The following SHOC2 variants were observed in gnomAD, a reference collection of about 807,000 sequenced individuals.
SHOC2 encodes the protein SHOC2 leucine rich repeat scaffold protein.
Under a neutral mutation model 50.2 loss-of-function variants are expected in SHOC2, and 4 were observed. The ratio of observed to expected loss-of-function variants is 0.08; its 90% CI spans 0.04 to 0.18. SHOC2 has a LOEUF of 0.18. SHOC2 is among the 10% of genes least tolerant of loss of function. The pLI is 1.00. For synonymous variants in SHOC2, 218 were observed against 244.5 expected, an observed-to-expected ratio of 0.89 and a Z score of 1.01; for missense variants, 388 against 669.6, an observed-to-expected ratio of 0.58 and a Z score of 4.64.
At chr10:110,981,875 T>TTTTTTATTATACTC (rs1847984606) in intron 2 of SHOC2, among the ~76,000 whole-genome samples, 3 of 11,140 alleles carry the variant, frequency 2.7e-4, no homozygotes, top group East Asian at 4.5e-3. Flanking sequence ...TATTTATTTT[T>TTTTTTATTATACTC]TTAAGTTTTA....
chr10:111,003,543 A>G (rs1848417494), intron 4 of SHOC2, among the ~76,000 whole-genome samples: 1 of 152,198 alleles, frequency 6.6e-6, no homozygotes, highest in Non-Finnish European at 1.5e-5. Flanking sequence ...ACTATGGCCC[A>G]TAAAATATTA....
At chr10:110,962,904 T>C (rs948715597) in intron 1 of SHOC2, among the ~76,000 whole-genome samples, 20 of 152,228 alleles carry the variant, frequency 1.3e-4, no homozygotes, top group Non-Finnish European at 2.8e-4. Flanking sequence ...AATAATATGC[T>C]GTCTTATCAA....
rs1847458564 is a variant in SHOC2, at chr10:110,956,194, T to C, written c.-234-7931T>C. ...AACAGGTTTTTTACATTTCATGTCTTTTTTTTTTTGAGACGGAGTTTCGCT... is the reference window on the plus strand; with the variant it reads ...AACAGGTTTTTTACATTTCATGTCTCTTTTTTTTTGAGACGGAGTTTCGCT... On this transcript the variant is annotated intron_variant, in intron 1 of 8. Coordinates refer to ENST00000369452, the MANE Select transcript of SHOC2 (RefSeq NM_007373.4). 2.3e-5 allele frequency among the ~76,000 whole-genome samples: 3 copies of C among 130,282 alleles called. No homozygotes were observed. The Admixed American group carries it at 2.9e-4, about 13-fold the overall frequency. 85.5% of individuals were successfully genotyped at this position (130,282 alleles called of 152,430 possible). A position where few individuals can be genotyped will look rare whatever the true frequency, so the allele number is the denominator to read the frequency against.
chr10:110,941,672 C>T (rs1157712688), intron 1 of SHOC2, among the ~76,000 whole-genome samples: 4 of 152,016 alleles, frequency 2.6e-5, no homozygotes, highest in Middle Eastern at 3.2e-3. Context: ...AGACTTTTGT[C>T]GAATACATGG....
chr10:110,979,911 G>T (rs1363325029), intron 2 of SHOC2, among the ~76,000 whole-genome samples: 1 of 151,990 alleles, frequency 6.6e-6, no homozygotes, highest in Non-Finnish European at 1.5e-5. Flanking sequence ...TCTAGTCAAG[G>T]TGTAGCCTAC....
At chr10:110,990,573 A>G (rs1848165003) in intron 3 of SHOC2, among the ~76,000 whole-genome samples, 1 of 152,212 alleles carries the variant, frequency 6.6e-6, no homozygotes, top group East Asian at 1.9e-4. Context: ...AAACGCACCA[A>G]TCAGCGCCCT....
chr10:110,936,752 TTCC>T, intron 1 of SHOC2: 1 of 974,416 alleles, frequency 1.0e-6, no homozygotes, highest in Non-Finnish European at 1.6e-6. Flanking sequence ...GGCTTTCTCT[TTCC>T]TCTTCTCCTC....
intron 3 of SHOC2, among the ~76,000 whole-genome samples, chr10:110,990,158 C>T (rs950631509): frequency 1.3e-4 from 20 of 152,254 alleles, no homozygotes; most frequent in South Asian, 4.1e-4. Context: ...GCGCATGGCG[C>T]GGGACTGGCA....
At chr10:111,000,634 A>T in intron 4 of SHOC2, 89 bp downstream of exon 4, 1 of 1,191,244 alleles carries the variant, frequency 8.4e-7, no homozygotes, top group Non-Finnish European at 1.2e-6. Flanking sequence ...CAGGGTAAAT[A>T]ATTTGGTGAT....
At chr10:110,936,810 C>G (rs779149731) in intron 1 of SHOC2, 2 of 1,173,344 alleles carry the variant, frequency 1.7e-6, no homozygotes, top group Non-Finnish European at 2.5e-6. Context: ...ACCTCGTGAG[C>G]CAGGTGCCCC....
At chr10:110,926,046 T>A (rs2134070067) in intron 1 of SHOC2, among the ~76,000 whole-genome samples, 1 of 152,338 alleles carries the variant, frequency 6.6e-6, no homozygotes, top group South Asian at 2.1e-4. Context: ...CATGCACTCT[T>A]CATGTAGCTA....
At chr10:110,989,644 G>A (rs1848144742) in intron 3 of SHOC2, among the ~76,000 whole-genome samples, 1 of 152,118 alleles carries the variant, frequency 6.6e-6, no homozygotes. Context: ...CCCATGATAA[G>A]TGACTTAGTC....
chr10:110,998,834 G>A (rs1437493726), intron 3 of SHOC2, among the ~76,000 whole-genome samples: 1 of 152,150 alleles, frequency 6.6e-6, no homozygotes, highest in African/African-American at 2.4e-5. Flanking sequence ...TCACTCACTT[G>A]ATACTTTCAG....
At position 111,009,788 on chromosome 10, in the gene SHOC2, G is replaced by A; in HGVS notation, c.1498G>A (p.Gly500Ser). The A allele has an allele frequency of 1.2e-6, 2 of 1,612,770 alleles. No individual in the cohort carries two copies. The highest frequency in any genetic ancestry group is 1.7e-6 in the Non-Finnish European group (2 of 1,178,994). Reference protein sequence around the residue: ...IGHLTNLTHLGLGENLLTHLP... With the variant: ...IGHLTNLTHLSLGENLLTHLP... The stretch of plus-strand genomic sequence containing the variant: ...TCACCTTACTAATCTCACACATCTG[G>A]GCCTTGGAGAGAACCTACTTACTCA... Residue 500 changes from glycine (G) to serine (S), a missense_variant, in exon 8 of 9, where the codon GGC becomes AGC. Gly to Ser is a moderately conservative substitution (Grantham distance 56). Transcript: ENST00000369452.
intron 1 of SHOC2, chr10:110,937,081 C>T (rs1274741915): frequency 6.8e-7 from 1 of 1,477,438 alleles, no homozygotes; most frequent in Non-Finnish European, 9.5e-7. Context: ...AGTACTTCAA[C>T]TTGTTTCTGT....
rs747506750 is a variant in SHOC2 at position 111,013,426 on chromosome 10, A to G, written c.*1608A>G. On this transcript the variant is annotated 3_prime_UTR_variant, in exon 9 of 9. Coordinates refer to ENST00000369452, the MANE Select transcript of SHOC2 (RefSeq NM_007373.4). The stretch of plus-strand genomic sequence containing the variant: ...TCTGCTTTTCCTGGCACTCAAATTC[A>G]TGACTAGTTTTGAGGTCAAACCTAT... 1 of 152,020 alleles carries G rather than the reference A, an allele frequency of 6.6e-6. No homozygotes were observed. The highest frequency in any genetic ancestry group is 2.4e-5 in the African/African-American group (1 of 41,406). 9.4% of individuals were successfully genotyped at this position (152,020 alleles called of 1,614,324 possible). A position where few individuals can be genotyped will look rare whatever the true frequency, so the allele number is the denominator to read the frequency against.
intron 2 of SHOC2, among the ~76,000 whole-genome samples, chr10:110,982,984 T>A (rs1439314408): frequency 6.6e-6 from 1 of 152,148 alleles, no homozygotes; most frequent in Non-Finnish European, 1.5e-5. Context: ...AAAAACTTCT[T>A]AGTTACAAAT....
At chr10:110,941,961 A>G (rs1726346813) in intron 1 of SHOC2, among the ~76,000 whole-genome samples, 1 of 152,164 alleles carries the variant, frequency 6.6e-6, no homozygotes, top group South Asian at 2.1e-4. Flanking sequence ...ATACACTGTG[A>G]AATTTAGATT....
At chr10:110,996,194 A>G (rs1263237148) in intron 3 of SHOC2, among the ~76,000 whole-genome samples, 1 of 152,188 alleles carries the variant, frequency 6.6e-6, no homozygotes, top group Non-Finnish European at 1.5e-5. Flanking sequence ...CTAGCAAAGA[A>G]TGTTTACATT....
Sources: gnomAD v4.1 joint callset for allele counts (sites outside exome capture counted in the v4.1 genomes callset) on GRCh38, gnomAD v4.1.1 for gene constraint, MANE v1.5 for transcripts, NCBI Gene and HGNC (gene_info 2026-07-23, HGNC 2026-07-21) for gene names.